The following TENM1 variants were observed in gnomAD, a reference collection of about 807,000 sequenced individuals.
TENM1 encodes the protein teneurin-1.
A neutral mutation model predicts 174.8 loss-of-function variants in TENM1; 35 were observed. The observed-to-expected ratio is 0.20, with a 90% CI of 0.15 to 0.27. The LOEUF is 0.27. Ranked by LOEUF, TENM1 falls within the 10% of genes least tolerant of loss-of-function variation. The pLI is 1.00. For missense variants in TENM1, 1,633 were observed against 2,130.1 expected, an observed-to-expected ratio of 0.77 and a Z score of 4.59; for synonymous variants, 781 against 798.7, an observed-to-expected ratio of 0.98 and a Z score of 0.37.
intron 1 of TENM1, among the ~76,000 whole-genome samples, chrX:124,953,894 A>G (rs1240244822): frequency 4.5e-5 from 5 of 111,959 alleles, no homozygotes; most frequent in Non-Finnish European, 9.4e-5. Context: ...CATAGAATTG[A>G]GCAAAGTGGG....
chrX:124,871,283 G>A (rs1222747649), intron 3 of TENM1, among the ~76,000 whole-genome samples: 4 of 112,159 alleles, frequency 3.6e-5, no homozygotes, highest in African/African-American at 1.3e-4. Context: ...GAAGCATAGA[G>A]ACCTGTTACA....
chrX:124,964,567 C>G (rs1378123294), upstream of TENM1, among the ~76,000 whole-genome samples: 2 of 111,174 alleles, frequency 1.8e-5, no homozygotes, highest in East Asian at 2.8e-4. Context: ...CGAAAGAACC[C>G]CCTTTCCCCA....
At chrX:124,481,769 A>T in exon 22 of TENM1, 3 of 1,192,937 alleles carry the variant, frequency 2.5e-6, no homozygotes, top group Non-Finnish European at 3.4e-6. Flanking sequence ...ATGCTCTCCC[A>T]CCATCTCCAC....
the TENM1 span, among the ~76,000 whole-genome samples, chrX:125,158,076 C>T: frequency 9.0e-6 from 1 of 110,899 alleles, no homozygotes; most frequent in Admixed American, 9.6e-5. Flanking sequence ...TTCTTACCTA[C>T]ATCCTGACAT....
chrX:124,907,216 G>C (rs1206119144), intron 1 of TENM1, among the ~76,000 whole-genome samples: 4 of 112,073 alleles, frequency 3.6e-5, no homozygotes, highest in Non-Finnish European at 5.6e-5. Context: ...AAACCAATCT[G>C]TGTTCACACA....
intron 11 of TENM1, among the ~76,000 whole-genome samples, chrX:124,567,101 G>A (rs754644754): frequency 8.9e-6 from 1 of 111,770 alleles, no homozygotes; most frequent in East Asian, 2.8e-4. Context: ...AAATGGGAAA[G>A]GCTAAGGGAA....
chrX:124,697,472 G>T lies in TENM1; in HGVS notation c.1015+7541C>A, dbSNP rs112622272. ...CTGTACTTTGGTGTAATTTGTTAAT[G>T]GGCTTGTAAGTCTACCCAGGAAAGA... On this transcript the variant is annotated intron_variant, in intron 5 of 31. Transcript: ENST00000422452. 6.5e-3 allele frequency among the ~76,000 whole-genome samples: 723 copies of T among 110,708 alleles called. 6 individuals are homozygous for T. The highest frequency in any genetic ancestry group is 0.022 in the African/African-American group (681 of 30,558).
chrX:124,528,562 T>A (rs1173586683), intron 16 of TENM1, among the ~76,000 whole-genome samples: 2 of 110,761 alleles, frequency 1.8e-5, no homozygotes, highest in Admixed American at 1.9e-4. Flanking sequence ...TACTGGTGAG[T>A]GCACTACCAA....
At chrX:124,791,809 A>T (rs2055186184) in intron 3 of TENM1, among the ~76,000 whole-genome samples, 1 of 111,484 alleles carries the variant, frequency 9.0e-6, no homozygotes, top group African/African-American at 3.3e-5. Flanking sequence ...GCTGGCAATA[A>T]GTAGAGTTAT....
intron 5 of TENM1, among the ~76,000 whole-genome samples, chrX:124,684,899 C>G (rs1381217498): frequency 1.8e-5 from 2 of 111,304 alleles, no homozygotes; most frequent in African/African-American, 6.5e-5. Context: ...ACCATCATTA[C>G]TGACCCAGGA....
intron 1 of TENM1, among the ~76,000 whole-genome samples, chrX:124,957,156 C>A (rs1308923945): frequency 9.0e-6 from 1 of 110,732 alleles, no homozygotes; most frequent in Non-Finnish European, 1.9e-5. Flanking sequence ...TAAATAAATG[C>A]TGATGCATAA....
chrX:124,583,154 C>T (rs769431867), intron 11 of TENM1, among the ~76,000 whole-genome samples: 21 of 111,168 alleles, frequency 1.9e-4, no homozygotes, highest in Non-Finnish European at 2.3e-4. Flanking sequence ...ACTTAAATGT[C>T]CCTGTCTGAC....
At chrX:124,951,460 A>G (rs1179967637) in intron 1 of TENM1, among the ~76,000 whole-genome samples, 1 of 109,924 alleles carries the variant, frequency 9.1e-6, no homozygotes, top group African/African-American at 3.3e-5. Context: ...AGTGGTATAA[A>G]GAAGACACAT....
rs757522305 is a variant in TENM1 at position 124,481,767 on chromosome X, C to T, written c.3914G>A (p.Gly1305Glu). ...ATTCAGTGAAGCTTCCGATGCTCTC[C>T]CACCATCTCCACAATGACTCTGGTC... is the stretch of plus-strand genomic sequence containing the variant. Residue 1305 changes from glycine (G) to glutamate (E), a missense_variant, in exon 22 of 32, where the codon GGG becomes GAG. Gly to Glu is a moderately conservative substitution (Grantham distance 98, BLOSUM62 -2). This residue lies in a region of TENM1 where 72 missense variants were observed against 59.4 expected (regional missense o/e 1.21). Coordinates refer to ENST00000422452, the Ensembl canonical transcript of TENM1. The T allele has an allele frequency of 3.9e-5, 46 of 1,181,473 alleles. No homozygotes were observed. The highest frequency in any genetic ancestry group is 2.2e-5 in the Non-Finnish European group (19 of 876,253).
chrX:124,401,079 T>G (rs1003937019), intron 27 of TENM1, among the ~76,000 whole-genome samples: 1 of 111,706 alleles, frequency 9.0e-6, no homozygotes, highest in Non-Finnish European at 1.9e-5. Context: ...GGGTATCATG[T>G]TTCCCAAAAG....
chrX:124,471,673 TAATA>T (rs1165060146), intron 22 of TENM1, among the ~76,000 whole-genome samples: 1 of 86,832 alleles, frequency 1.2e-5, no homozygotes, highest in African/African-American at 4.3e-5. Context: ...GAGTAATATA[TAATA>T]TATACTTATA....
At chrX:124,847,396 A>G (rs2056630630) in intron 3 of TENM1, among the ~76,000 whole-genome samples, 1 of 112,104 alleles carries the variant, frequency 8.9e-6, no homozygotes. Flanking sequence ...CTTTCAAAAC[A>G]CTACTGATGT....
chrX:124,621,870 G>C (rs1025871378), intron 11 of TENM1, among the ~76,000 whole-genome samples: 4 of 112,133 alleles, frequency 3.6e-5, no homozygotes, highest in African/African-American at 1.3e-4. Flanking sequence ...ACTAAAAATG[G>C]AGAAATGCTT....
chrX:124,531,126 CTTTT>C (rs1189755779), intron 15 of TENM1, among the ~76,000 whole-genome samples: 2 of 79,181 alleles, frequency 2.5e-5, no homozygotes, highest in African/African-American at 5.1e-5. Context: ...TCAATACCAC[CTTTT>C]TTTTTTTTTT....
Sources: allele counts gnomAD v4.1 joint callset (sites outside exome capture counted in the v4.1 genomes callset), GRCh38; gene constraint gnomAD v4.1.1; regional missense constraint gnomAD v4.1.1; transcripts MANE v1.5; gene names NCBI Gene and HGNC (gene_info 2026-07-23, HGNC 2026-07-21).